The following SPON2 variants were observed in gnomAD, a reference collection of about 807,000 sequenced individuals.
SPON2 encodes spondin 2.
SPON2 carries 32 observed loss-of-function variants against 29.9 expected under a neutral mutation model. The observed-to-expected ratio is 1.07, with a 90% CI of 0.81 to 1.44. SPON2 has a LOEUF of 1.44. Ranked by LOEUF, SPON2 falls within the 40% of genes most tolerant of loss-of-function variation. The pLI is 0.00. For synonymous variants in SPON2, 248 were observed against 209.1 expected (o/e 1.19, Z -1.61); for missense variants, 541 against 455.5 (o/e 1.19, Z -1.71).
intron 1 of SPON2, among the ~76,000 whole-genome samples, chr4:1,192,226 A>G (rs78939219): frequency 0.013 from 2,012 of 152,280 alleles, 34 homozygotes; most frequent in African/African-American, 0.045. Flanking sequence ...TAGCACAGAG[A>G]TAATCCCTTT....
At chr4:1,193,115 C>T (rs28545482) in intron 1 of SPON2, among the ~76,000 whole-genome samples, 14,271 of 152,300 alleles carry the variant, frequency 0.094, 668 homozygotes, top group Middle Eastern at 0.12. Context: ...GCCAGATACA[C>T]GCCTCACACA....
In SPON2 at chr4:1,202,538, A is replaced by T. The variant is rs761513453; in HGVS notation, c.-234+5342T>A. Among the ~76,000 whole-genome samples the T allele has an allele frequency of 1.3e-5, 2 of 152,120 alleles. No homozygotes were observed. The highest frequency in any genetic ancestry group is 2.9e-5 in the Non-Finnish European group (2 of 67,980). On this transcript the variant is annotated intron_variant, in intron 1 of 3. Transcript: ENST00000509233. This position sits in a 1 kb window ranked among gnomAD's most constrained non-coding sequence, Gnocchi z 5.4. ...GACTCCCTGCCCACCTTCCAGACAC[A>T]TGGGGGCAGGGCTGGGCCCCCACGG...
At chr4:1,174,263 G>A (rs180745554), upstream of SPON2, among the ~76,000 whole-genome samples, 1 of 151,974 alleles carries the variant, frequency 6.6e-6, no homozygotes, top group Admixed American at 6.5e-5. Context: ...AGGGCGGGCG[G>A]ATCACTTGAG....
intron 5 of SPON2, 42 bp from the exon 6 acceptor site, chr4:1,167,698 A>T: frequency 6.5e-7 from 1 of 1,538,166 alleles, no homozygotes; most frequent in Non-Finnish European, 8.8e-7. Context: ...CGCTCGCGTG[A>T]AGAGGCGCTT....
chr4:1,170,714 T>C (rs1458720005), intron 4 of SPON2, 138 bp from the exon 5 acceptor site: 3 of 1,139,580 alleles, frequency 2.6e-6, no homozygotes, highest in Admixed American at 4.0e-5. Context: ...CATGTACTCC[T>C]CTCAGCCATC....
At chr4:1,181,076 C>G (rs1446850226) in intron 1 of SPON2, among the ~76,000 whole-genome samples, 2 of 152,188 alleles carry the variant, frequency 1.3e-5, no homozygotes, top group African/African-American at 4.8e-5. Flanking sequence ...GATAGCCGCA[C>G]TGACACACAT....
At chr4:1,208,040 G>GA (rs2108687111) in exon 1 of SPON2, 1 of 152,726 alleles carries the variant, frequency 6.5e-6, no homozygotes, top group South Asian at 2.1e-4. Context: ...CCTCCTCCGG[G>GA]CGCCGGGCTC....
intron 1 of SPON2, among the ~76,000 whole-genome samples, chr4:1,188,202 C>CA (rs1164276990): frequency 0.035 from 1,256 of 36,134 alleles, 70 homozygotes; most frequent in South Asian, 0.061. Flanking sequence ...GACTCCGTCT[C>CA]AAAAAAAAAA....
At chr4:1,205,368 C>T (rs1031972276) in intron 1 of SPON2, among the ~76,000 whole-genome samples, 33 of 152,156 alleles carry the variant, frequency 2.2e-4, no homozygotes, top group African/African-American at 7.7e-4. Flanking sequence ...GGGGCCTCCT[C>T]GGAGCAGCTG....
intron 4 of SPON2, 45 bp from the exon 5 acceptor site, chr4:1,170,621 A>C: frequency 6.4e-7 from 1 of 1,568,280 alleles, no homozygotes; most frequent in East Asian, 2.4e-5. Context: ...CGAGAAGCCC[A>C]CCTTCTGGTA....
intron 1 of SPON2, among the ~76,000 whole-genome samples, chr4:1,185,962 T>TC (rs1727784253): frequency 6.6e-6 from 1 of 151,992 alleles, no homozygotes; most frequent in Non-Finnish European, 1.5e-5. Flanking sequence ...AGGCAACATC[T>TC]GGCCGGGCGT....
chr4:1,192,718 C>T (rs1019116565), intron 1 of SPON2, among the ~76,000 whole-genome samples: 5 of 152,178 alleles, frequency 3.3e-5, no homozygotes, highest in African/African-American at 7.2e-5. Flanking sequence ...GGGGTACGGC[C>T]ATCCTGCTGG....
At chr4:1,183,811 TA>T (rs1178067270) in intron 1 of SPON2, among the ~76,000 whole-genome samples, 1 of 152,098 alleles carries the variant, frequency 6.6e-6, no homozygotes, top group Non-Finnish European at 1.5e-5. Context: ...CTATATAATG[TA>T]CACAAAGGGA....
upstream of SPON2, among the ~76,000 whole-genome samples, chr4:1,175,980 G>A (rs1475458449): frequency 6.6e-6 from 1 of 152,150 alleles, no homozygotes; most frequent in Non-Finnish European, 1.5e-5. Flanking sequence ...AAGGCCCTAG[G>A]GCACCAGGGG....
chr4:1,201,161 ATG>A, intron 1 of SPON2: 1 of 454,550 alleles, frequency 2.2e-6, no homozygotes, highest in Non-Finnish European at 4.4e-6. Context: ...TGCAGGCCAA[ATG>A]CAGGTGCCCC....
intron 1 of SPON2, chr4:1,201,591 T>C (rs1419109221): frequency 6.3e-6 from 1 of 158,490 alleles, no homozygotes; most frequent in Admixed American, 6.4e-5. Context: ...CTGACTTTTT[T>C]TTTTTTTTGG....
chr4:1,200,134 C>T (rs888423028), upstream of SPON2: 2 of 152,312 alleles, frequency 1.3e-5, no homozygotes, highest in African/African-American at 2.4e-5. Flanking sequence ...CGTCTGTGTG[C>T]CTCAGTTTCT....
Position 1,167,633 on chromosome 4 carries a change from C to T in SPON2, c.835G>A (p.Glu279Lys), listed in dbSNP as rs1306772451. ...ASVPETPLDC[E>K]VSLWSSWGLC... ...CCCCAGGACGACCACAGGGAGACCT[C>T]GCAGTCCAGCGGCGTTTCTGGAACT... The change falls in exon 6 of 6, where the codon GAG becomes AAG. Residue 279 changes from glutamate to lysine, a missense_variant. Transcript: ENST00000290902. 2 of 1,609,940 alleles carry T rather than the reference C, an allele frequency of 1.2e-6. No individual in the cohort carries two copies. The highest frequency in any genetic ancestry group is 1.7e-5 in the Admixed American group (1 of 59,742).
chr4:1,196,685 C>G (rs1728077512), upstream of SPON2: 1 of 152,296 alleles, frequency 6.6e-6, no homozygotes, highest in Non-Finnish European at 1.5e-5. Context: ...GAGCACGAGG[C>G]CTGGAGTTCT....
Sources: allele counts gnomAD v4.1 joint callset (sites outside exome capture counted in the v4.1 genomes callset), GRCh38; gene constraint gnomAD v4.1.1; non-coding constraint Gnocchi (gnomAD v3.1); transcripts MANE v1.5; gene names NCBI Gene and HGNC (gene_info 2026-07-23, HGNC 2026-07-21).